The following GGH variants were observed in gnomAD, a reference collection of about 807,000 sequenced individuals.
The protein encoded by GGH is gamma-glutamyl hydrolase.
A neutral mutation model predicts 39.2 loss-of-function variants in GGH; 18 were observed. The observed-to-expected ratio is 0.46, with a 90% CI of 0.32 to 0.68. GGH has a LOEUF of 0.68. Among genes scored for constraint, GGH ranks in the 30% least tolerant of loss-of-function variants. GGH has a pLI of 0.04. For missense variants in GGH, 367 were observed against 384.1 expected (o/e 0.96, Z 0.37); for synonymous variants, 147 against 138.8 (o/e 1.06, Z -0.42).
At chr8:63,029,557 T>A (rs942276157) in intron 3 of GGH, among the ~76,000 whole-genome samples, 29 of 152,052 alleles carry the variant, frequency 1.9e-4, no homozygotes, top group African/African-American at 7.0e-4. Flanking sequence ...AGTTCCCAGG[T>A]CAAAGGGTAT....
At chr8:63,017,667 G>C (rs1444039426) in intron 7 of GGH, 37 bp from the exon 8 acceptor site, 6 of 1,272,940 alleles carry the variant, frequency 4.7e-6, no homozygotes, top group African/African-American at 1.5e-5. Context: ...TACTAAGAAT[G>C]GTTTAAAATG....
chr8:63,035,790 T>G lies in GGH; in HGVS notation c.110-20A>C. On this transcript the variant is annotated intron_variant, in intron 1 of 8. Coordinates refer to ENST00000260118, the MANE Select transcript of GGH (RefSeq NM_003878.3). ...ATATTCCTAATAACAAAAAAAAGTTTAGTTTCAAGCAAATTCCTTTTCTTC... is the reference window on the plus strand; with the variant it reads ...ATATTCCTAATAACAAAAAAAAGTTGAGTTTCAAGCAAATTCCTTTTCTTC... 1 of 1,585,800 alleles carries G rather than the reference T, an allele frequency of 6.3e-7. No individual in the cohort carries two copies. Among genetic ancestry groups the G allele is most frequent in the Non-Finnish European group, 8.6e-7 (1 of 1,163,582 alleles).
intron 5 of GGH, 77 bp from the exon 6 acceptor site, chr8:63,024,263 A>C (rs1804645957): frequency 2.6e-6 from 2 of 765,528 alleles, no homozygotes; most frequent in Non-Finnish European, 4.4e-6. Flanking sequence ...ACTGCACCCA[A>C]AGAGAAGCCA....
At position 63,026,329 on chromosome 8, in the gene GGH, A is replaced by T. The variant is rs776326939; in HGVS notation, c.361-33T>A. The T allele has an allele frequency of 1.9e-6, 3 of 1,555,334 alleles. No homozygotes were observed. In the East Asian group the frequency reaches 6.8e-5, roughly 35 times the overall value. ...AGTGGAAAAAGAGAAAACTAAGTTT[A>T]TTCAAACTTTTCAAAATAAAAATTA... On this transcript the variant is annotated intron_variant, in intron 4 of 8. Coordinates refer to ENST00000260118, the MANE Select transcript of GGH (RefSeq NM_003878.3).
intron 7 of GGH, 109 bp downstream of exon 7, chr8:63,023,798 A>AC: frequency 1.3e-6 from 1 of 756,898 alleles, no homozygotes; most frequent in South Asian, 4.0e-5. Flanking sequence ...ATGCCCTAAC[A>AC]CCCCTCTTCA....
intron 4 of GGH, 140 bp downstream of exon 4, chr8:63,027,041 A>T (rs1019561464): frequency 3.0e-6 from 2 of 670,046 alleles, no homozygotes; most frequent in Non-Finnish European, 2.7e-6. Context: ...AGCAGCCAAG[A>T]ACAGGCACCT....
chr8:63,037,552 A>G (rs892588960), intron 1 of GGH, among the ~76,000 whole-genome samples: 1 of 152,180 alleles, frequency 6.6e-6, no homozygotes, highest in Non-Finnish European at 1.5e-5. Flanking sequence ...TCATCTTTCA[A>G]TCCTTTGCAC....
chr8:63,025,836 T>C (rs1219853985), intron 5 of GGH, among the ~76,000 whole-genome samples: 1 of 152,180 alleles, frequency 6.6e-6, no homozygotes, highest in Non-Finnish European at 1.5e-5. Flanking sequence ...GTAAAATGGT[T>C]CCTCAAGGTA....
chr8:63,029,586 T>C (rs1013439262), intron 3 of GGH, among the ~76,000 whole-genome samples: 3 of 152,116 alleles, frequency 2.0e-5, no homozygotes, highest in Admixed American at 6.6e-5. Context: ...CTAATTTCAA[T>C]AGGTATTGCA....
intron 1 of GGH, among the ~76,000 whole-genome samples, chr8:63,037,931 G>A (rs1326905816): frequency 1.3e-5 from 2 of 152,194 alleles, no homozygotes; most frequent in Non-Finnish European, 2.9e-5. Context: ...AAAATAGTAT[G>A]AAAGGCATAA....
At chr8:63,035,613 T>G in intron 2 of GGH, 43 bp downstream of exon 2, 2 of 1,570,774 alleles carry the variant, frequency 1.3e-6, no homozygotes, top group Non-Finnish European at 1.7e-6. Context: ...ACGCAGCAAT[T>G]TTTTATACAG....
chr8:63,029,214 T>C (rs1443740492), intron 3 of GGH, among the ~76,000 whole-genome samples: 2 of 152,232 alleles, frequency 1.3e-5, no homozygotes, highest in African/African-American at 4.8e-5. Flanking sequence ...TGTGTTGATT[T>C]GGTAGAAATA....
intron 7 of GGH, among the ~76,000 whole-genome samples, chr8:63,021,669 C>CTTTTTTTTTTTTTTTTTT (rs752057959): frequency 1.1e-5 from 1 of 93,312 alleles, no homozygotes. Context: ...ATCTCATATC[C>CTTTTTTTTTTTTTTTTTT]TTTTTTTTTT....
chr8:63,030,606 C>T (rs1366237804), intron 2 of GGH, among the ~76,000 whole-genome samples: 1 of 152,098 alleles, frequency 6.6e-6, no homozygotes. Context: ...ATTTATCATG[C>T]CTATTTAACT....
intron 2 of GGH, among the ~76,000 whole-genome samples, chr8:63,033,172 A>G (rs931607399): frequency 1.2e-4 from 18 of 152,226 alleles, no homozygotes; most frequent in Admixed American, 8.5e-4. Flanking sequence ...CAAAACATGT[A>G]TAGCTTCCTC....
intron 2 of GGH, 90 bp downstream of exon 2, chr8:63,035,566 A>G: frequency 6.7e-7 from 1 of 1,498,574 alleles, no homozygotes; most frequent in Non-Finnish European, 8.9e-7. Context: ...TGGCCTCCCA[A>G]AGTGCTAGAA....
At chr8:63,019,666 G>A (rs182389166) in intron 7 of GGH, among the ~76,000 whole-genome samples, 2 of 152,294 alleles carry the variant, frequency 1.3e-5, no homozygotes, top group African/African-American at 4.8e-5. Context: ...GAACAGTAAC[G>A]TTTGCTTTTT....
At chr8:63,038,345 G>A (rs1008682559) in intron 1 of GGH, among the ~76,000 whole-genome samples, 4 of 152,192 alleles carry the variant, frequency 2.6e-5, no homozygotes, top group African/African-American at 9.7e-5. Context: ...GTGCGAAAAG[G>A]AAATGTTTTA....
At chr8:63,035,310 G>C (rs1266597076) in intron 2 of GGH, among the ~76,000 whole-genome samples, 1 of 152,092 alleles carries the variant, frequency 6.6e-6, no homozygotes, top group Non-Finnish European at 1.5e-5. Context: ...ATATTAGGCA[G>C]TAATTATTAT....
Sources: gnomAD v4.1 joint callset for allele counts (sites outside exome capture counted in the v4.1 genomes callset) on GRCh38, gnomAD v4.1.1 for gene constraint, MANE v1.5 for transcripts, NCBI Gene and HGNC (gene_info 2026-07-23, HGNC 2026-07-21) for gene names.